Variants in RNF150 observed in about 807,000 individuals in gnomAD.
The protein encoded by RNF150 is ring finger protein 150.
A neutral mutation model predicts 39.3 loss-of-function variants in RNF150; 24 were observed. That is an observed-to-expected ratio of 0.61 (90% CI 0.44 to 0.86). The LOEUF (loss-of-function observed/expected upper bound fraction) is 0.86, where lower values mean the gene tolerates loss of function less well. RNF150 is among the 40% of genes least tolerant of loss of function. The probability of loss-of-function intolerance (pLI) is 0.00; values close to 1 mark genes in which losing one functional copy is unlikely to be tolerated. For synonymous variants in RNF150, 255 were observed against 227.3 expected, an observed-to-expected ratio of 1.12 and a Z score of -1.10; for missense variants, 502 against 587.8, an observed-to-expected ratio of 0.85 and a Z score of 1.51.
intron 6 of RNF150, among the ~76,000 whole-genome samples, chr4:140,883,623 G>T (rs1560947040): frequency 6.6e-6 from 1 of 151,936 alleles, no homozygotes; most frequent in Non-Finnish European, 1.5e-5. Context: ...TAGCCTATAA[G>T]GTTTCTGCTA....
At chr4:140,924,049 C>A (rs531594316) in intron 5 of RNF150, among the ~76,000 whole-genome samples, 1 of 152,064 alleles carries the variant, frequency 6.6e-6, no homozygotes, top group Non-Finnish European at 1.5e-5. Context: ...TGCAGCACAC[C>A]AACATAGCAC....
At chr4:140,891,889 T>C (rs1729766787) in intron 6 of RNF150, among the ~76,000 whole-genome samples, 1 of 152,080 alleles carries the variant, frequency 6.6e-6, no homozygotes, top group African/African-American at 2.4e-5. Flanking sequence ...ATGAGGGATC[T>C]AGGCTGTGCA....
intron 1 of RNF150, among the ~76,000 whole-genome samples, chr4:141,174,680 G>A (rs1727779950): frequency 6.6e-6 from 1 of 152,092 alleles, no homozygotes; most frequent in Admixed American, 6.5e-5. Context: ...GAGGCTGCAG[G>A]GTTGAAGGAA....
intron 1 of RNF150, among the ~76,000 whole-genome samples, chr4:141,110,483 TG>T (rs1306886368): frequency 2.0e-5 from 3 of 152,084 alleles, no homozygotes; most frequent in African/African-American, 7.3e-5. Context: ...TGGAGTGAAG[TG>T]GAGTGATCGT....
chr4:140,985,266 A>G (rs912898488), intron 1 of RNF150, among the ~76,000 whole-genome samples: 5 of 152,182 alleles, frequency 3.3e-5, no homozygotes, highest in Admixed American at 1.3e-4. Flanking sequence ...ATCATTCAGC[A>G]TAAGTAGTTC....
At chr4:141,189,448 C>A (rs1458856373) in intron 1 of RNF150, among the ~76,000 whole-genome samples, 1 of 152,198 alleles carries the variant, frequency 6.6e-6, no homozygotes, top group Admixed American at 6.5e-5. Context: ...CCACTGCTCT[C>A]TTCAGAGTCA....
intron 1 of RNF150, among the ~76,000 whole-genome samples, chr4:141,060,303 T>C (rs576518891): frequency 6.6e-6 from 1 of 152,032 alleles, no homozygotes; most frequent in African/African-American, 2.4e-5. Flanking sequence ...TAGCCAGGCG[T>C]AGTAGCATGC....
At chr4:141,175,421 T>G (rs1488443719) in intron 1 of RNF150, among the ~76,000 whole-genome samples, 1 of 152,216 alleles carries the variant, frequency 6.6e-6, no homozygotes, top group African/African-American at 2.4e-5. Context: ...ACAATTTTAA[T>G]GACAAGATAA....
chr4:140,920,268 A>G lies in RNF150; in HGVS notation c.987+5709T>C, dbSNP rs1189235808. Among the ~76,000 whole-genome samples, 2 of 146,802 alleles carry G rather than the reference A, an allele frequency of 1.4e-5. 1 individual carries two copies. Among genetic ancestry groups the G allele is most frequent in the East Asian group, 4.0e-4 (2 of 4,950 alleles). Reference sequence around the variant, plus strand: ...AACAGGCAACCTACAAAATGGGAGAAAATTTTCGCAACCTACTCATCTGAC... The same window carrying G: ...AACAGGCAACCTACAAAATGGGAGAGAATTTTCGCAACCTACTCATCTGAC... On this transcript the variant is annotated intron_variant, in intron 5 of 6. Transcript: ENST00000515673.
At chr4:140,891,987 T>C (rs1429954848) in intron 6 of RNF150, among the ~76,000 whole-genome samples, 2 of 152,178 alleles carry the variant, frequency 1.3e-5, no homozygotes, top group Admixed American at 6.5e-5. Flanking sequence ...ACCACCTCTC[T>C]TGTGGAAAAA....
chr4:141,027,926 G>GTTTTTTTTTTTTTTTT (rs61543533), intron 1 of RNF150, among the ~76,000 whole-genome samples: 14 of 69,150 alleles, frequency 2.0e-4, no homozygotes, highest in African/African-American at 3.8e-4. Context: ...TTTTTTTTTT[G>GTTTTTTTTTTTTTTTT]TTTTTTTTTT....
chr4:141,154,896 A>G (rs4956352), intron 1 of RNF150, among the ~76,000 whole-genome samples: 81,919 of 151,964 alleles, frequency 0.54, 22,381 homozygotes, highest in East Asian at 0.81. Context: ...AATTACCTTC[A>G]TGCCTGACTC....
At chr4:140,920,470 A>T (rs1266324153) in intron 5 of RNF150, among the ~76,000 whole-genome samples, 1 of 128,104 alleles carries the variant, frequency 7.8e-6, no homozygotes, top group Admixed American at 8.3e-5. Context: ...AGAAATGCAA[A>T]TCAAAACCAC....
intron 1 of RNF150, among the ~76,000 whole-genome samples, chr4:141,147,967 T>G (rs1006669573): frequency 2.6e-5 from 4 of 152,186 alleles, no homozygotes; most frequent in Non-Finnish European, 4.4e-5. Flanking sequence ...ATGTCATCCT[T>G]TATTCTTTAA....
chr4:141,118,723 G>A (rs1386309697), intron 1 of RNF150, among the ~76,000 whole-genome samples: 1 of 152,120 alleles, frequency 6.6e-6, no homozygotes. Context: ...ATGGGCTAAA[G>A]TTTGAGATAC....
At chr4:140,977,593 C>T (rs1310363404) in intron 1 of RNF150, among the ~76,000 whole-genome samples, 1 of 152,102 alleles carries the variant, frequency 6.6e-6, no homozygotes, top group Non-Finnish European at 1.5e-5. Flanking sequence ...CTGCACTTTA[C>T]GTCCATATTA....
chr4:140,992,790 G>A (rs1005141369), intron 1 of RNF150, among the ~76,000 whole-genome samples: 3 of 152,154 alleles, frequency 2.0e-5, no homozygotes, highest in Non-Finnish European at 2.9e-5. Flanking sequence ...CATCCTAGAC[G>A]GAGAGGATAT....
intron 1 of RNF150, among the ~76,000 whole-genome samples, chr4:141,168,318 G>A (rs999291157): frequency 6.6e-6 from 1 of 152,182 alleles, no homozygotes; most frequent in African/African-American, 2.4e-5. Flanking sequence ...AGGATTTGGA[G>A]AAATAGGAAC....
intron 1 of RNF150, among the ~76,000 whole-genome samples, chr4:141,041,885 C>T (rs867824321): frequency 6.6e-6 from 1 of 152,112 alleles, no homozygotes; most frequent in East Asian, 1.9e-4. Context: ...ATTGTGAGTA[C>T]ATCTTATTTT....
Sources: gnomAD v4.1 joint callset for allele counts (sites outside exome capture counted in the v4.1 genomes callset) on GRCh38, gnomAD v4.1.1 for gene constraint, MANE v1.5 for transcripts, NCBI Gene and HGNC (gene_info 2026-07-23, HGNC 2026-07-21) for gene names.